Variants in PCED1B observed in about 807,000 individuals in gnomAD.
PCED1B encodes PC-esterase domain containing 1B.
For synonymous variants in PCED1B, 251 were observed against 246.1 expected, an observed-to-expected ratio of 1.02 and a Z score of -0.19; for missense variants, 573 against 573.9, an observed-to-expected ratio of 1.00 and a Z score of 0.02.
In PCED1B at chr12:47,235,217, G is replaced by C. The variant is rs1592333790; in HGVS notation, c.154G>C (p.Gly52Arg). The stretch of plus-strand genomic sequence containing the variant: ...CACTCCCGGGCAGCTTAGAGCAAGG[G>C]GGGAGCTGAACTTCGAACAAGATGA... ...LLTPGQLRAR[G>R]ELNFEQDELV... The change falls in exon 4 of 4, where the codon GGG becomes CGG. Residue 52 changes from glycine to arginine, a missense_variant. Gly to Arg is a moderately radical substitution (Grantham distance 125). Coordinates refer to ENST00000546455, the MANE Select transcript of PCED1B (RefSeq NM_138371.3). The C allele has an allele frequency of 6.2e-7, 1 of 1,609,414 alleles. No homozygotes were observed. The highest frequency in any genetic ancestry group is 8.5e-7 in the Non-Finnish European group (1 of 1,177,414).
At chr12:47,210,692 G>C (rs1943050309) in intron 2 of PCED1B, 2 of 152,214 alleles carry the variant, frequency 1.3e-5, no homozygotes, top group Admixed American at 6.5e-5. Flanking sequence ...TTGAACCCAG[G>C]AGGTGGAGGC....
chr12:47,111,981 G>A (rs1169309541), intron 2 of PCED1B, among the ~76,000 whole-genome samples: 1 of 152,170 alleles, frequency 6.6e-6, no homozygotes, highest in Non-Finnish European at 1.5e-5. Flanking sequence ...GTTGGTGGGG[G>A]TCGTGTAGCC....
chr12:47,115,919 C>T (rs1939399975), intron 2 of PCED1B, among the ~76,000 whole-genome samples: 1 of 152,180 alleles, frequency 6.6e-6, no homozygotes, highest in African/African-American at 2.4e-5. Context: ...CATCTAAGGG[C>T]ACTTTAGCTT....
At chr12:47,170,693 A>G (rs989514007) in intron 2 of PCED1B, among the ~76,000 whole-genome samples, 2 of 152,256 alleles carry the variant, frequency 1.3e-5, no homozygotes, top group African/African-American at 2.4e-5. Flanking sequence ...TTAAAAAACC[A>G]ATAAACAGTG....
At chr12:47,089,268 G>A (rs540661472) in intron 1 of PCED1B, among the ~76,000 whole-genome samples, 13 of 151,374 alleles carry the variant, frequency 8.6e-5, no homozygotes, top group Admixed American at 4.0e-4. Flanking sequence ...CGGTGAAACC[G>A]ATCTCTACTA....
At chr12:47,109,346 C>T (rs1939091803) in intron 2 of PCED1B, among the ~76,000 whole-genome samples, 1 of 92,980 alleles carries the variant, frequency 1.1e-5, no homozygotes, top group Non-Finnish European at 2.1e-5. Context: ...ATTACAAGTA[C>T]TTGAAAAACT....
intron 2 of PCED1B, among the ~76,000 whole-genome samples, chr12:47,124,460 A>C (rs910685077): frequency 1.3e-5 from 2 of 151,726 alleles, no homozygotes; most frequent in African/African-American, 2.4e-5. Context: ...TTGCTATTAC[A>C]AATAAAGTTC....
Position 47,097,706 on chromosome 12 carries a change from A to T in PCED1B, c.-608-6407A>T, listed in dbSNP as rs554505784. ...CTGCAAAGAGCAGTTGGCACAGTAC[A>T]CTTTTGGAGGCTATACGACTCTTCT... On this transcript the variant is annotated intron_variant, in intron 1 of 3. Transcript: ENST00000546455. Among the ~76,000 whole-genome samples the T allele has an allele frequency of 3.9e-5, 6 of 152,300 alleles. No individual in the cohort carries two copies. In the South Asian group the frequency reaches 1.0e-3, roughly 26 times the overall value.
chr12:47,234,867 A>T (rs1377138209), intron 3 of PCED1B, 140 bp from the exon 4 acceptor site: 4 of 424,162 alleles, frequency 9.4e-6, no homozygotes, highest in African/African-American at 2.0e-5. Flanking sequence ...GGAGCCTGTT[A>T]TGCGGGCACT....
chr12:47,199,333 T>C (rs1942697832), intron 2 of PCED1B, among the ~76,000 whole-genome samples: 1 of 152,208 alleles, frequency 6.6e-6, no homozygotes, highest in Non-Finnish European at 1.5e-5. Context: ...ACTTGATCTA[T>C]AGATTCAACA....
intron 2 of PCED1B, among the ~76,000 whole-genome samples, chr12:47,170,135 A>G (rs1331843191): frequency 6.6e-6 from 1 of 152,092 alleles, no homozygotes; most frequent in East Asian, 1.9e-4. Context: ...CTGTTTAACA[A>G]AGCACATCTT....
At chr12:47,174,382 C>T (rs1297729922) in intron 2 of PCED1B, among the ~76,000 whole-genome samples, 5 of 149,838 alleles carry the variant, frequency 3.3e-5, no homozygotes, top group African/African-American at 1.2e-4. Flanking sequence ...GCACTCCAGC[C>T]TAGGCTATAG....
chr12:47,171,849 TTTC>T (rs781736252), intron 2 of PCED1B, among the ~76,000 whole-genome samples: 181 of 151,864 alleles, frequency 1.2e-3, no homozygotes, highest in Non-Finnish European at 1.7e-3. Flanking sequence ...CTGCTGCTTC[TTTC>T]TTCTTCTTCT....
intron 2 of PCED1B, among the ~76,000 whole-genome samples, chr12:47,140,202 CTGAAAAAGAACATTGT>C (rs1940542045): frequency 6.6e-6 from 1 of 152,286 alleles, no homozygotes; most frequent in South Asian, 2.1e-4. Flanking sequence ...TTGATGCTTT[CTGAAAAAGAACATTGT>C]TTTGCTTTTG....
chr12:47,134,388 T>A (rs571995338), intron 2 of PCED1B, among the ~76,000 whole-genome samples: 149 of 152,340 alleles, frequency 9.8e-4, no homozygotes, highest in African/African-American at 3.5e-3. Flanking sequence ...TTTCTTCAAT[T>A]CAGTGAAATA....
chr12:47,235,578 T>G lies in PCED1B; in HGVS notation c.515T>G (p.Val172Gly), dbSNP rs1308243690. Residue 172 changes from valine to glycine, a missense_variant, in exon 4 of 4, where the codon GTC (valine) becomes GGC (glycine). Physicochemically the swap from Val to Gly is moderately radical, Grantham distance 109 (BLOSUM62 -3). Transcript: ENST00000546455. ...WNTAMPVGEE[V>G]TGGFLPPKLR... ...ACGGCCATGCCTGTGGGCGAGGAAG[T>G]CACCGGGGGTTTTCTTCCGCCCAAG... The G allele has an allele frequency of 6.2e-7, 1 of 1,608,338 alleles. No individual in the cohort carries two copies. The highest frequency in any genetic ancestry group is 2.2e-5 in the East Asian group (1 of 44,788).
chr12:47,152,710 C>T (rs1941040636), intron 2 of PCED1B, among the ~76,000 whole-genome samples: 1 of 152,116 alleles, frequency 6.6e-6, no homozygotes, highest in Non-Finnish European at 1.5e-5. Flanking sequence ...GCAGGTGGAT[C>T]ACCTGAGGTC....
chr12:47,104,750 G>A (rs4768773), intron 2 of PCED1B, among the ~76,000 whole-genome samples: 129,545 of 152,150 alleles, frequency 0.85, 55,585 homozygotes, highest in East Asian at 0.95. Flanking sequence ...AGAAGGTAGA[G>A]AGCCACAATA....
chr12:47,116,276 C>T (rs1457750364), intron 2 of PCED1B, among the ~76,000 whole-genome samples: 1 of 152,102 alleles, frequency 6.6e-6, no homozygotes, highest in East Asian at 1.9e-4. Flanking sequence ...CTGTCCTCAC[C>T]AATAATTATT....
Sources: gnomAD v4.1 joint callset for allele counts (sites outside exome capture counted in the v4.1 genomes callset) on GRCh38, gnomAD v4.1.1 for gene constraint, MANE v1.5 for transcripts, NCBI Gene and HGNC (gene_info 2026-07-23, HGNC 2026-07-21) for gene names.